Variants in PIK3CB observed in about 807,000 individuals in gnomAD.
The protein encoded by PIK3CB is phosphatidylinositol-4,5-bisphosphate 3-kinase catalytic subunit beta, also known as phosphatidylinositol 4,5-bisphosphate 3-kinase catalytic subunit beta isoform.
A neutral mutation model predicts 136.8 loss-of-function variants in PIK3CB; 39 were observed. That is an observed-to-expected ratio of 0.29 (90% CI 0.22 to 0.37). The LOEUF (loss-of-function observed/expected upper bound fraction) is 0.37, where lower values mean the gene tolerates loss of function less well. Among genes scored for constraint, PIK3CB ranks in the 10% least tolerant of loss-of-function variants. The pLI is 1.00. For missense variants in PIK3CB, 868 were observed against 1,275.4 expected (o/e 0.68, Z 4.87); for synonymous variants, 428 against 436.6 (o/e 0.98, Z 0.25).
chr3:138,829,820 A>G (rs1559895368), intron 1 of PIK3CB, among the ~76,000 whole-genome samples: 2 of 152,144 alleles, frequency 1.3e-5, no homozygotes, highest in South Asian at 4.1e-4. Context: ...TAGGGAAGGA[A>G]TAAGAATGGG....
intron 2 of PIK3CB, among the ~76,000 whole-genome samples, chr3:138,769,360 G>A (rs1407406319): frequency 6.6e-6 from 1 of 152,132 alleles, no homozygotes; most frequent in East Asian, 1.9e-4. Context: ...TCCTATATTT[G>A]GCTATGTTGT....
At chr3:138,715,427 C>G (rs1268709218) in intron 8 of PIK3CB, among the ~76,000 whole-genome samples, 1 of 152,102 alleles carries the variant, frequency 6.6e-6, no homozygotes, top group Admixed American at 6.5e-5. Flanking sequence ...GAGATTGACC[C>G]AGTGATACAC....
intron 19 of PIK3CB, among the ~76,000 whole-genome samples, chr3:138,666,028 A>G (rs926915429): frequency 5.3e-5 from 8 of 152,120 alleles, no homozygotes; most frequent in African/African-American, 1.9e-4. Context: ...TCTGTCAGAA[A>G]GGTAAGAATT....
chr3:138,815,374 A>C (rs1162081023), intron 1 of PIK3CB, among the ~76,000 whole-genome samples: 24 of 146,386 alleles, frequency 1.6e-4, no homozygotes, highest in African/African-American at 5.9e-4. Flanking sequence ...AAAAAAAAAA[A>C]ACTAGTCAAA....
At chr3:138,682,575 G>A (rs2043803972) in intron 18 of PIK3CB, among the ~76,000 whole-genome samples, 1 of 152,082 alleles carries the variant, frequency 6.6e-6, no homozygotes, top group East Asian at 1.9e-4. Flanking sequence ...TATACGGAGA[G>A]TTCTTAAGAA....
chr3:138,795,374 C>T (rs2046098055), intron 2 of PIK3CB, among the ~76,000 whole-genome samples: 1 of 146,746 alleles, frequency 6.8e-6, no homozygotes. Context: ...TGCCTATAAT[C>T]CCACCCAGCA....
chr3:138,833,333 C>T (rs1332578511), intron 1 of PIK3CB, among the ~76,000 whole-genome samples: 1 of 152,070 alleles, frequency 6.6e-6, no homozygotes, highest in African/African-American at 2.4e-5. Context: ...TCCCAAAGTG[C>T]TGGGATTACA....
intron 23 of PIK3CB, 46 bp from the exon 24 acceptor site, chr3:138,655,572 G>A (rs1559791993): frequency 6.7e-7 from 1 of 1,491,940 alleles, no homozygotes. Context: ...CTTTAGTAGA[G>A]ATGTGCAAAT....
chr3:138,816,990 C>T (rs1340837424), intron 1 of PIK3CB, among the ~76,000 whole-genome samples: 1 of 145,992 alleles, frequency 6.8e-6, no homozygotes, highest in Non-Finnish European at 1.5e-5. Flanking sequence ...CGCTGGAGGT[C>T]GGGAGTTCAA....
Position 138,778,935 on chromosome 3 carries a change from C to G in PIK3CB, c.-17+17528G>C, listed in dbSNP as rs529664172. On this transcript the variant is annotated intron_variant, in intron 2 of 23. Coordinates refer to ENST00000674063, the MANE Select transcript of PIK3CB (RefSeq NM_006219.3). ...TCCCTTCCCAGACACGGTTTCCATG[C>G]CAGACCCCCTGAAAAATGGGATAGG... is the stretch of plus-strand genomic sequence containing the variant. 1.9e-5 allele frequency: 3 copies of G among 154,708 alleles called. No homozygotes were observed. The East Asian group carries it at 5.8e-4, about 30-fold the overall frequency. 9.6% of individuals were successfully genotyped at this position (154,708 alleles called of 1,614,324 possible).
intron 2 of PIK3CB, among the ~76,000 whole-genome samples, chr3:138,786,761 A>T (rs1274818536): frequency 6.6e-6 from 1 of 152,236 alleles, no homozygotes; most frequent in Non-Finnish European, 1.5e-5. Context: ...TGACTATTTA[A>T]CATGGTTTAA....
At chr3:138,669,637 G>C (rs1485398580) in intron 19 of PIK3CB, among the ~76,000 whole-genome samples, 6 of 152,074 alleles carry the variant, frequency 3.9e-5, no homozygotes, top group African/African-American at 1.4e-4. Flanking sequence ...GGAGGTCAGG[G>C]AGTCCTAACA....
intron 1 of PIK3CB, among the ~76,000 whole-genome samples, chr3:138,813,200 T>C (rs946660944): frequency 1.3e-5 from 2 of 152,166 alleles, no homozygotes; most frequent in African/African-American, 4.8e-5. Flanking sequence ...CAGTGCTATT[T>C]AGGACCACAT....
In PIK3CB at chr3:138,664,014, T is replaced by C; in HGVS notation, c.2688A>G (p.Arg896=). Residue 896 remains arginine (R), a synonymous_variant, in exon 21 of 24, where the codon CGA becomes CGG. Transcript: ENST00000674063. ...AGGACAGTGTAAATTCCTCAATGGC[T>C]CGGTCCAGGTCATCCCTGAACAAGA... is the stretch of plus-strand genomic sequence containing the variant. ...KEYNSGDDLD[R]AIEEFTLSCA... is the part of the protein sequence containing the mutation. 6.2e-7 allele frequency: 1 copy of C among 1,613,614 alleles called. No individual in the cohort carries two copies. The highest frequency in any genetic ancestry group is 1.7e-5 in the Admixed American group (1 of 59,818).
rs568809913 is a variant in PIK3CB at position 138,717,982 on chromosome 3, G to A, written c.1051-3263C>T. The stretch of plus-strand genomic sequence containing the variant: ...CCACATCTTTGCAATTGTGAATAGT[G>A]CTGCAATGAACATTCGCATGCATGT... On this transcript the variant is annotated intron_variant, in intron 8 of 23. Transcript: ENST00000674063. 2.6e-5 allele frequency among the ~76,000 whole-genome samples: 4 copies of A among 152,268 alleles called. No homozygotes were observed. In the South Asian group the frequency reaches 8.3e-4, roughly 32 times the overall value.
At chr3:138,755,365 T>C (rs1308948594) in intron 4 of PIK3CB, among the ~76,000 whole-genome samples, 2 of 152,144 alleles carry the variant, frequency 1.3e-5, no homozygotes, top group Non-Finnish European at 2.9e-5. Context: ...AAATCAGCCA[T>C]GCACAGTGGC....
chr3:138,700,065 A>T (rs572385767), intron 12 of PIK3CB, among the ~76,000 whole-genome samples: 73 of 152,196 alleles, frequency 4.8e-4, no homozygotes, highest in African/African-American at 1.2e-3. Context: ...TTAAAAAAAA[A>T]TTTTTAAATA....
chr3:138,826,082 T>G (rs1933772092), intron 1 of PIK3CB: 1 of 1,088,512 alleles, frequency 9.2e-7, no homozygotes, highest in African/African-American at 1.5e-5. Context: ...AAAAGATTGA[T>G]CACCATTCTA....
At chr3:138,728,092 A>G (rs1046851307) in intron 8 of PIK3CB, among the ~76,000 whole-genome samples, 16 of 152,198 alleles carry the variant, frequency 1.1e-4, no homozygotes, top group African/African-American at 3.6e-4. Context: ...GAATGTAGGC[A>G]TGAGCCACGA....
Sources: gnomAD v4.1 joint callset for allele counts (sites outside exome capture counted in the v4.1 genomes callset) on GRCh38, gnomAD v4.1.1 for gene constraint, MANE v1.5 for transcripts, NCBI Gene and HGNC (gene_info 2026-07-23, HGNC 2026-07-21) for gene names.